The following SLIT1 variants were observed in gnomAD, a reference collection of about 807,000 sequenced individuals.
SLIT1 encodes the protein slit homolog 1 protein.
In SLIT1, 66 loss-of-function variants were observed where a neutral mutation model predicts 186.1. The observed-to-expected ratio is 0.35, with a 90% CI of 0.29 to 0.44. The LOEUF (loss-of-function observed/expected upper bound fraction) is 0.44. SLIT1 is among the 20% of genes least tolerant of loss of function. The pLI is 1.00. For synonymous variants in SLIT1, 761 were observed against 833.8 expected, an observed-to-expected ratio of 0.91 and a Z score of 1.50; for missense variants, 1,638 against 2,037.4, an observed-to-expected ratio of 0.80 and a Z score of 3.77.
chr10:97,122,186 G>A (rs1849565849), intron 4 of SLIT1, among the ~76,000 whole-genome samples: 1 of 152,182 alleles, frequency 6.6e-6, no homozygotes, highest in African/African-American at 2.4e-5. Context: ...GGAAGATGGG[G>A]TCTCCCATGT....
chr10:97,171,847 A>C lies in SLIT1; in HGVS notation c.198-6957T>G, dbSNP rs191714486. ...AAAAAAAAAAATCTCCTTACCATGA[A>C]CTACAAGTTCCCGAGTGGCCTGCTC... is the stretch of plus-strand genomic sequence containing the variant. On this transcript the variant is annotated intron_variant, in intron 1 of 36. Coordinates refer to ENST00000266058, the MANE Select transcript of SLIT1 (RefSeq NM_003061.3). Among the ~76,000 whole-genome samples, 287 of 151,782 alleles carry C rather than the reference A, an allele frequency of 1.9e-3. 3 individuals are homozygous for C. Among genetic ancestry groups the C allele is most frequent in the African/African-American group, 6.7e-3 (277 of 41,400 alleles).
intron 4 of SLIT1, among the ~76,000 whole-genome samples, chr10:97,067,701 C>T (rs563645273): frequency 6.6e-6 from 1 of 152,264 alleles, no homozygotes; most frequent in African/African-American, 2.4e-5. Context: ...TGGTTGGACC[C>T]GGGCTCCCTG....
chr10:97,166,623 G>GAAAGAAAGGGAAA (rs3979552), intron 1 of SLIT1, among the ~76,000 whole-genome samples: 1 of 42,678 alleles, frequency 2.3e-5, no homozygotes, highest in Non-Finnish European at 4.6e-5. Flanking sequence ...AAGAAAGAAA[G>GAAAGAAAGGGAAA]AGAAAAGAAA....
chr10:97,155,773 A>AG (rs1849942755), intron 4 of SLIT1, among the ~76,000 whole-genome samples: 1 of 152,208 alleles, frequency 6.6e-6, no homozygotes, highest in South Asian at 2.1e-4. Flanking sequence ...AGGACATAGG[A>AG]GGGGGAAAGA....
intron 6 of SLIT1, among the ~76,000 whole-genome samples, 193 bp from the exon 7 acceptor site, chr10:97,064,432 G>A (rs1564666018): frequency 6.6e-6 from 1 of 152,168 alleles, no homozygotes; most frequent in Non-Finnish European, 1.5e-5. Context: ...GACGGTGACC[G>A]TAAGCCGACA....
chr10:97,090,850 C>A (rs1849223442), intron 4 of SLIT1, among the ~76,000 whole-genome samples: 1 of 152,248 alleles, frequency 6.6e-6, no homozygotes. Context: ...GCCTCCTAAG[C>A]CCACGCTCCA....
intron 11 of SLIT1, among the ~76,000 whole-genome samples, chr10:97,058,639 C>T (rs1848863183): frequency 6.6e-6 from 1 of 152,234 alleles, no homozygotes; most frequent in South Asian, 2.1e-4. Context: ...ACAGAAGGCA[C>T]TGAGCTGGCA....
chr10:97,064,073 T>A (rs1848920366), intron 7 of SLIT1, 95 bp downstream of exon 7: 1 of 1,021,670 alleles, frequency 9.8e-7, no homozygotes, highest in South Asian at 1.4e-5. Flanking sequence ...ATGAGCTCCA[T>A]GACCTGTCTG....
intron 5 of SLIT1, among the ~76,000 whole-genome samples, 177 bp downstream of exon 5, chr10:97,065,838 C>T (rs1848939636): frequency 6.6e-6 from 1 of 152,194 alleles, no homozygotes. Context: ...GCAAGGGCTG[C>T]CTGTTTCCTC....
At chr10:97,040,164 C>T (rs745402500) in intron 20 of SLIT1, 44 bp from the exon 21 acceptor site, 44 of 1,502,478 alleles carry the variant, frequency 2.9e-5, no homozygotes, top group Non-Finnish European at 2.9e-5. Context: ...GGTGGACGGG[C>T]CGCTGTAGGG....
intron 9 of SLIT1, 25 bp downstream of exon 9, chr10:97,060,615 A>C (rs1427221885): frequency 6.2e-7 from 1 of 1,611,606 alleles, no homozygotes; most frequent in Non-Finnish European, 8.5e-7. Flanking sequence ...GCTGTGCCCC[A>C]GCATCTGCCC....
intron 13 of SLIT1, among the ~76,000 whole-genome samples, chr10:97,051,977 T>G (rs935296497): frequency 6.6e-6 from 1 of 152,148 alleles, no homozygotes; most frequent in African/African-American, 2.4e-5. Flanking sequence ...GGAAAAATTA[T>G]TTGGCGATCA....
chr10:97,031,552 C>T, intron 24 of SLIT1, 54 bp downstream of exon 24: 1 of 1,421,434 alleles, frequency 7.0e-7, no homozygotes, highest in Middle Eastern at 1.7e-4. Context: ...AGGTGGGTGG[C>T]AGGACCCTCA....
At chr10:97,052,157 G>A (rs1253942826) in intron 13 of SLIT1, among the ~76,000 whole-genome samples, 2 of 147,668 alleles carry the variant, frequency 1.4e-5, no homozygotes, top group African/African-American at 2.5e-5. Context: ...TGTGTGCAGT[G>A]GTGCAATCAG....
chr10:96,998,648 C>G lies in SLIT1; in HGVS notation c.*2464G>C, dbSNP rs970679973. 13 of 152,264 alleles carry G rather than the reference C, an allele frequency of 8.5e-5. No homozygotes were observed. Among genetic ancestry groups the G allele is most frequent in the Non-Finnish European group, 1.2e-4 (8 of 68,062 alleles). 9.4% of individuals were successfully genotyped at this position (152,264 alleles called of 1,614,324 possible). A position where few individuals can be genotyped will look rare whatever the true frequency, so the allele number is the denominator to read the frequency against. On this transcript the variant is annotated 3_prime_UTR_variant, in exon 37 of 37. Coordinates refer to ENST00000266058, the MANE Select transcript of SLIT1 (RefSeq NM_003061.3). ...CCTTAGCAACTCGCTGGCTGATGGC[C>G]AAGTTGGAGAAAAAGTTGATCCTGG...
At chr10:97,148,578 C>T (rs1849842397) in intron 4 of SLIT1, among the ~76,000 whole-genome samples, 1 of 152,178 alleles carries the variant, frequency 6.6e-6, no homozygotes, top group Non-Finnish European at 1.5e-5. Context: ...CCATGCCTGG[C>T]CTAAAACTTT....
In SLIT1 at chr10:96,999,785, G is replaced by GC. The variant is rs1014115938; in HGVS notation, c.*1326dup. The GC allele has an allele frequency of 1.3e-5, 2 of 152,572 alleles. No homozygotes were observed. The highest frequency in any genetic ancestry group is 3.9e-4 in the East Asian group (2 of 5,186). The allele number at this position is 152,572 out of a possible 1,614,324, so 9.5% of individuals were successfully genotyped here. A position where few individuals can be genotyped will look rare whatever the true frequency, so the allele number is the denominator to read the frequency against. The stretch of plus-strand genomic sequence containing the variant: ...GCCTGGGCCGCTGTCTGTGGCTGGA[G>GC]CCCCCACTCAGCTCAACTCTTCCCG... On this transcript the variant is annotated 3_prime_UTR_variant, in exon 37 of 37. Transcript: ENST00000266058.
intron 4 of SLIT1, among the ~76,000 whole-genome samples, chr10:97,122,522 C>T (rs187401692): frequency 2.0e-5 from 3 of 152,116 alleles, no homozygotes; most frequent in African/African-American, 4.8e-5. Flanking sequence ...AGCTGAGACC[C>T]GGAGGATGAC....
intron 13 of SLIT1, among the ~76,000 whole-genome samples, chr10:97,051,167 C>T (rs1809593677): frequency 6.6e-6 from 1 of 151,680 alleles, no homozygotes; most frequent in Non-Finnish European, 1.5e-5. Context: ...TCTTTGGAGG[C>T]AGAGGCTCAA....
Sources: allele counts gnomAD v4.1 joint callset (sites outside exome capture counted in the v4.1 genomes callset), GRCh38; gene constraint gnomAD v4.1.1; transcripts MANE v1.5; gene names NCBI Gene and HGNC (gene_info 2026-07-23, HGNC 2026-07-21).